The following DTNB variants were observed in gnomAD, a reference collection of about 807,000 sequenced individuals.
The protein encoded by DTNB is DTN-B.
In DTNB, 63 loss-of-function variants were observed where a neutral mutation model predicts 90.7. The ratio of observed to expected loss-of-function variants is 0.69; its 90% CI spans 0.57 to 0.86. The LOEUF (loss-of-function observed/expected upper bound fraction) is 0.86. Among genes scored for constraint, DTNB ranks in the 40% least tolerant of loss-of-function variants. The pLI is 0.00. For missense variants in DTNB, 744 were observed against 807.1 expected, an observed-to-expected ratio of 0.92 and a Z score of 0.95; for synonymous variants, 277 against 286.7, an observed-to-expected ratio of 0.97 and a Z score of 0.34.
chr2:25,499,219 A>G (rs1387308920), intron 9 of DTNB, among the ~76,000 whole-genome samples: 1 of 151,976 alleles, frequency 6.6e-6, no homozygotes, highest in Non-Finnish European at 1.5e-5. Flanking sequence ...AAAAACAACC[A>G]TATCAGGAAG....
At chr2:25,669,092 G>A (rs2085205463) in intron 1 of DTNB, among the ~76,000 whole-genome samples, 1 of 152,190 alleles carries the variant, frequency 6.6e-6, no homozygotes, top group Non-Finnish European at 1.5e-5. Flanking sequence ...GAGACAGAAA[G>A]TAGAATGGTG....
rs56106629 is a variant in DTNB, at chr2:25,416,804, C to CGAAGGAAGGAAGGAAGGAAGGAAG, written c.1575+2687_1575+2710dup. Among the ~76,000 whole-genome samples the CGAAGGAAGGAAGGAAGGAAGGAAG allele has an allele frequency of 1.2e-3, 161 of 130,058 alleles. 2 individuals carry two copies. Among genetic ancestry groups the CGAAGGAAGGAAGGAAGGAAGGAAG allele is most frequent in the East Asian group, 7.0e-3 (31 of 4,404 alleles). The allele number at this position is 130,058 out of a possible 152,430, so 85.3% of individuals were successfully genotyped here. A position where few individuals can be genotyped will look rare whatever the true frequency, so the allele number is the denominator to read the frequency against. On this transcript the variant is annotated intron_variant, in intron 16 of 20. Coordinates refer to ENST00000406818, the MANE Select transcript of DTNB (RefSeq NM_021907.5). ...AACCTGGAAGGAAGGAAGGAAGGAA[C>CGAAGGAAGGAAGGAAGGAAGGAAG]GAAGGAAGGAAGGAAGGAAGGAAGG...
At chr2:25,569,743 T>C (rs1323195542) in intron 8 of DTNB, among the ~76,000 whole-genome samples, 2 of 152,170 alleles carry the variant, frequency 1.3e-5, no homozygotes, top group African/African-American at 4.8e-5. Flanking sequence ...GGCTGTCATC[T>C]TGTGGGGAGG....
intron 9 of DTNB, among the ~76,000 whole-genome samples, chr2:25,491,437 G>A (rs933679189): frequency 4.6e-5 from 7 of 152,196 alleles, no homozygotes; most frequent in African/African-American, 1.7e-4. Flanking sequence ...GGCATAGTAT[G>A]AGGCACAGAG....
chr2:25,605,406 T>A (rs575199859), intron 5 of DTNB, among the ~76,000 whole-genome samples: 9 of 152,262 alleles, frequency 5.9e-5, no homozygotes, highest in African/African-American at 2.2e-4. Context: ...TTCGTGTTCC[T>A]CCAAAAAGTT....
intron 16 of DTNB, among the ~76,000 whole-genome samples, chr2:25,411,653 C>T (rs2046647936): frequency 6.6e-6 from 1 of 152,178 alleles, no homozygotes; most frequent in South Asian, 2.1e-4. Context: ...CATTTGCCAA[C>T]TTAGGAGGGC....
intron 6 of DTNB, among the ~76,000 whole-genome samples, chr2:25,588,539 A>G (rs6546286): frequency 0.071 from 10,744 of 152,068 alleles, 1,213 homozygotes; most frequent in African/African-American, 0.24. Context: ...TAATTTTTGT[A>G]TTTTTAGTAG....
At chr2:25,638,961 C>A in intron 3 of DTNB, 53 bp downstream of exon 3, 1 of 1,445,080 alleles carries the variant, frequency 6.9e-7, no homozygotes, top group South Asian at 1.5e-5. Flanking sequence ...AAAGTCTTTT[C>A]TAATATTGAG....
intron 8 of DTNB, among the ~76,000 whole-genome samples, chr2:25,573,851 C>T (rs1220250901): frequency 6.6e-6 from 1 of 152,178 alleles, no homozygotes; most frequent in Non-Finnish European, 1.5e-5. Flanking sequence ...ATTTCAGTGA[C>T]TTAACGCAAA....
At chr2:25,570,413 A>T (rs1423660313) in intron 8 of DTNB, among the ~76,000 whole-genome samples, 38 of 79,080 alleles carry the variant, frequency 4.8e-4, no homozygotes, top group African/African-American at 1.2e-3. Context: ...TCTCAAAAAA[A>T]AAAAAAAAAA....
intron 18 of DTNB, among the ~76,000 whole-genome samples, chr2:25,384,179 T>A (rs1442671631): frequency 6.6e-6 from 1 of 152,254 alleles, no homozygotes; most frequent in East Asian, 1.9e-4. Flanking sequence ...GCCTCTGTTC[T>A]ATGCCTGTCT....
chr2:25,469,612 A>G (rs182944806), intron 10 of DTNB, among the ~76,000 whole-genome samples: 7 of 151,968 alleles, frequency 4.6e-5, no homozygotes, highest in Admixed American at 2.0e-4. Flanking sequence ...CGCCCAGCTG[A>G]TTTTTCCTAT....
intron 8 of DTNB, among the ~76,000 whole-genome samples, chr2:25,532,138 T>G (rs1378438135): frequency 6.7e-6 from 1 of 148,760 alleles, no homozygotes; most frequent in Non-Finnish European, 1.5e-5. Context: ...CCGTGCTACA[T>G]GGGAACTGAG....
At chr2:25,625,340 T>C (rs2073875015) in intron 4 of DTNB, among the ~76,000 whole-genome samples, 1 of 152,206 alleles carries the variant, frequency 6.6e-6, no homozygotes, top group South Asian at 2.1e-4. Flanking sequence ...ATTAACATTC[T>C]GATAACCAGA....
intron 4 of DTNB, among the ~76,000 whole-genome samples, chr2:25,627,023 T>C (rs185261457): frequency 1.3e-5 from 2 of 152,374 alleles, no homozygotes; most frequent in Admixed American, 1.3e-4. Flanking sequence ...CCGTTTTAAT[T>C]GGAGTACATT....
At chr2:25,464,232 A>G (rs1273564858) in intron 10 of DTNB, among the ~76,000 whole-genome samples, 2 of 152,148 alleles carry the variant, frequency 1.3e-5, no homozygotes, top group East Asian at 1.9e-4. Flanking sequence ...TTCTAATACC[A>G]TTCTCTAATA....
At chr2:25,411,971 G>T (rs2046736709) in intron 16 of DTNB, among the ~76,000 whole-genome samples, 1 of 152,178 alleles carries the variant, frequency 6.6e-6, no homozygotes, top group South Asian at 2.1e-4. Flanking sequence ...TTCCCAGTGA[G>T]ACTGTATCCA....
intron 8 of DTNB, among the ~76,000 whole-genome samples, chr2:25,540,432 T>A (rs1558951006): frequency 6.6e-6 from 1 of 152,338 alleles, no homozygotes; most frequent in East Asian, 1.9e-4. Context: ...TTATAAGTTG[T>A]GATAAAACAT....
chr2:25,549,659 CCTT>C (rs1355543739), intron 8 of DTNB, among the ~76,000 whole-genome samples: 2 of 152,046 alleles, frequency 1.3e-5, no homozygotes, highest in Admixed American at 6.6e-5. Flanking sequence ...TTATTTGCTT[CCTT>C]CTTTTTTCTT....
Sources: gnomAD v4.1 joint callset for allele counts (sites outside exome capture counted in the v4.1 genomes callset) on GRCh38, gnomAD v4.1.1 for gene constraint, MANE v1.5 for transcripts, NCBI Gene and HGNC (gene_info 2026-07-23, HGNC 2026-07-21) for gene names.